Variants in SLC25A15 observed in about 807,000 individuals in gnomAD.
The protein encoded by SLC25A15 is solute carrier family 25 member 15, also known as mitochondrial ornithine transporter 1.
Under a neutral mutation model 32.3 loss-of-function variants are expected in SLC25A15, and 24 were observed. That is an observed-to-expected ratio of 0.74 (90% CI 0.54 to 1.04). The LOEUF (loss-of-function observed/expected upper bound fraction) is 1.04. Among genes scored for constraint, SLC25A15 ranks in the 50% least tolerant of loss-of-function variants. SLC25A15 has a pLI of 0.00. For synonymous variants in SLC25A15, 132 were observed against 142.1 expected, an observed-to-expected ratio of 0.93 and a Z score of 0.51; for missense variants, 317 against 374.5, an observed-to-expected ratio of 0.85 and a Z score of 1.27.
At chr13:40,800,835 G>A (rs1881852910) in intron 3 of SLC25A15, among the ~76,000 whole-genome samples, 1 of 152,198 alleles carries the variant, frequency 6.6e-6, no homozygotes, top group Non-Finnish European at 1.5e-5. Flanking sequence ...GAATTGCTGG[G>A]TGTCCTTAAG....
intron 5 of SLC25A15, among the ~76,000 whole-genome samples, chr13:40,808,101 C>T (rs1409854529): frequency 1.3e-5 from 2 of 152,198 alleles, no homozygotes; most frequent in African/African-American, 2.4e-5. Context: ...TGTGTTTGGC[C>T]TGTCTTCTCC....
intron 3 of SLC25A15, among the ~76,000 whole-genome samples, chr13:40,804,700 C>T (rs1390037158): frequency 6.8e-6 from 1 of 147,570 alleles, no homozygotes; most frequent in Non-Finnish European, 1.5e-5. Flanking sequence ...CACCACTACG[C>T]CCGGCTAATT....
intron 2 of SLC25A15, among the ~76,000 whole-genome samples, chr13:40,798,500 G>T (rs1881746789): frequency 6.6e-6 from 1 of 152,142 alleles, no homozygotes; most frequent in East Asian, 1.9e-4. Context: ...TCCTTTCCGT[G>T]GTGCCGGGTC....
chr13:40,793,927 A>T (rs1440589089), intron 2 of SLC25A15, among the ~76,000 whole-genome samples: 1 of 152,232 alleles, frequency 6.6e-6, no homozygotes, highest in Non-Finnish European at 1.5e-5. Flanking sequence ...GTGGTTCTTC[A>T]CTTCAAGCCT....
Position 40,807,417 on chromosome 13 carries a change from A to C in SLC25A15, c.576A>C (p.Glu192Asp). 1 of 1,614,154 alleles carries C rather than the reference A, an allele frequency of 6.2e-7. No homozygotes were observed. The highest frequency in any genetic ancestry group is 8.5e-7 in the Non-Finnish European group (1 of 1,180,000). Residue 192 changes from glutamate (E) to aspartate (D), a missense_variant, in exon 5 of 7, where the codon GAA (glutamate) becomes GAC (aspartate). Physicochemically the swap from Glu to Asp is conservative, Grantham distance 45. Coordinates refer to ENST00000338625, the MANE Select transcript of SLC25A15 (RefSeq NM_014252.4). ...PGYFFFFGGY[E>D]LSRSFFASGR... ...ATTTCTTCTTCTTCGGTGGCTATGA[A>C]CTGAGCCGGTCCTTTTTTGCATCAG...
intron 2 of SLC25A15, chr13:40,798,700 TGAG>T: frequency 1.1e-6 from 1 of 909,874 alleles, no homozygotes; most frequent in Non-Finnish European, 1.3e-6. Context: ...GTGGCATGGA[TGAG>T]GAGCTGAGGC....
At position 40,798,296 on chromosome 13, in the gene SLC25A15, T is replaced by A. The variant is rs1331484199; in HGVS notation, c.56-761T>A. On this transcript the variant is annotated intron_variant, in intron 2 of 6. Transcript: ENST00000338625. ...CACCATCTCAAAAAAAAAAAAAAAA[T>A]TATTTTGTGCAATGTAGACTCTGCT... is the stretch of plus-strand genomic sequence containing the variant. Among the ~76,000 whole-genome samples the A allele has an allele frequency of 5.1e-5, 7 of 137,850 alleles. No homozygotes were observed. The South Asian group carries it at 9.2e-4, about 18-fold the overall frequency. 90.4% of individuals were successfully genotyped at this position (137,850 alleles called of 152,430 possible). A position where few individuals can be genotyped will look rare whatever the true frequency, so the allele number is the denominator to read the frequency against.
intron 1 of SLC25A15, among the ~76,000 whole-genome samples, 184 bp from the exon 2 acceptor site, chr13:40,792,974 T>G (rs532231943): frequency 1.2e-4 from 18 of 152,328 alleles, no homozygotes; most frequent in African/African-American, 3.8e-4. Context: ...GGGGAGGTTT[T>G]TGATCTGTGA....
chr13:40,805,367 C>G (rs1593294295), intron 4 of SLC25A15, 112 bp downstream of exon 4: 5 of 1,235,024 alleles, frequency 4.0e-6, no homozygotes, highest in African/African-American at 3.0e-5. Flanking sequence ...TTATCTACTC[C>G]AAAATATTGT....
At chr13:40,806,338 A>G (rs1267400846) in intron 4 of SLC25A15, among the ~76,000 whole-genome samples, 2 of 152,230 alleles carry the variant, frequency 1.3e-5, no homozygotes, top group Non-Finnish European at 2.9e-5. Context: ...AAGTAATTCA[A>G]GGTAATTAAA....
In SLC25A15 at chr13:40,809,827, C is replaced by A; in HGVS notation, c.*160C>A. ...TACATCTTAAACTTTATGGAAGAAC[C>A]TCTATTTTGCATCATATCATTTCTG... On this transcript the variant is annotated 3_prime_UTR_variant, in exon 7 of 7. Coordinates refer to ENST00000338625, the MANE Select transcript of SLC25A15 (RefSeq NM_014252.4). 1 of 694,508 alleles carries A rather than the reference C, an allele frequency of 1.4e-6. No individual in the cohort carries two copies. The highest frequency in any genetic ancestry group is 2.5e-6 in the Non-Finnish European group (1 of 400,530). The allele number at this position is 694,508 out of a possible 1,614,324, so 43.0% of individuals were successfully genotyped here.
At chr13:40,798,931 TTGGAG>T in intron 2 of SLC25A15, 121 bp from the exon 3 acceptor site, 1 of 1,594,618 alleles carries the variant, frequency 6.3e-7, no homozygotes, top group South Asian at 1.1e-5. Flanking sequence ...CTGGAAGGTT[TTGGAG>T]GAAAAGAGGT....
At chr13:40,791,086 T>G (rs140052046) in intron 1 of SLC25A15, among the ~76,000 whole-genome samples, 2 of 151,856 alleles carry the variant, frequency 1.3e-5, no homozygotes, top group Admixed American at 1.3e-4. Context: ...GCCCCCGTTT[T>G]TTTCTTTCCC....
At chr13:40,790,109 C>T (rs1336249708) in intron 1 of SLC25A15, among the ~76,000 whole-genome samples, 1 of 152,146 alleles carries the variant, frequency 6.6e-6, no homozygotes, top group East Asian at 1.9e-4. Context: ...CGGTCCTTGG[C>T]GGCGAAACTG....
rs1881774173 is a variant in SLC25A15 at position 40,799,098 on chromosome 13, A to G, written c.97A>G (p.Met33Val). 6.2e-7 allele frequency: 1 copy of G among 1,614,164 alleles called. No individual in the cohort carries two copies. The highest frequency in any genetic ancestry group is 1.1e-5 in the South Asian group (1 of 91,072). Residue 33 changes from methionine (M) to valine (V), a missense_variant, in exon 3 of 7, where the codon ATG (methionine) becomes GTG (valine). Coordinates refer to ENST00000338625, the MANE Select transcript of SLC25A15 (RefSeq NM_014252.4). ...ACTGACCGGGCAGCCCTTTGACACAATGAAAGTGAAGATGCAGACGTTCCC... is the reference window on the plus strand; with the variant it reads ...ACTGACCGGGCAGCCCTTTGACACAGTGAAAGTGAAGATGCAGACGTTCCC... Reference protein sequence around the residue: ...CVLTGQPFDTMKVKMQTFPDL... With the variant: ...CVLTGQPFDTVKVKMQTFPDL...
At chr13:40,808,897 T>C (rs1466260255) in intron 6 of SLC25A15, among the ~76,000 whole-genome samples, 4 of 129,684 alleles carry the variant, frequency 3.1e-5, no homozygotes, top group Non-Finnish European at 6.2e-5. Context: ...ATTGCACCAC[T>C]GCACTCCAGC....
At chr13:40,794,622 A>G (rs924663066) in intron 2 of SLC25A15, among the ~76,000 whole-genome samples, 3 of 152,146 alleles carry the variant, frequency 2.0e-5, no homozygotes, top group African/African-American at 7.2e-5. Context: ...CATGGTGGTA[A>G]TTTGGTTCTC....
Position 40,810,856 on chromosome 13 carries a change from G to A in SLC25A15, c.*1189G>A. 1 of 534,704 alleles carries A rather than the reference G, an allele frequency of 1.9e-6. No individual in the cohort carries two copies. Among genetic ancestry groups the A allele is most frequent in the South Asian group, 1.4e-5 (1 of 71,594 alleles). The allele number at this position is 534,704 out of a possible 1,614,324, so 33.1% of individuals were successfully genotyped here. A position where few individuals can be genotyped will look rare whatever the true frequency, so the allele number is the denominator to read the frequency against. ...GCAACAGCGCTTACCTTTTGTCTCT[G>A]GGTCCTGGCCTGGGGCCATCAATCC... On this transcript the variant is annotated 3_prime_UTR_variant, in exon 7 of 7. Transcript: ENST00000338625.
intron 6 of SLC25A15, among the ~76,000 whole-genome samples, chr13:40,808,932 C>CAAAAAAAAAA (rs58015661): frequency 1.5e-4 from 12 of 78,852 alleles, no homozygotes; most frequent in East Asian, 9.4e-4. Flanking sequence ...GACTCTGTCT[C>CAAAAAAAAAA]AAAAAAAAAA....
Sources: allele counts gnomAD v4.1 joint callset (sites outside exome capture counted in the v4.1 genomes callset), GRCh38; gene constraint gnomAD v4.1.1; transcripts MANE v1.5; gene names NCBI Gene and HGNC (gene_info 2026-07-23, HGNC 2026-07-21).